TAFA2: variants seen among roughly 807,000 people sequenced by gnomAD.
The protein encoded by TAFA2 is TAFA chemokine like family member 2.
In TAFA2, 7 loss-of-function variants were observed where a neutral mutation model predicts 18.8. That is an observed-to-expected ratio of 0.37 (90% CI 0.21 to 0.70). TAFA2 has a LOEUF of 0.70. TAFA2 is among the 30% of genes least tolerant of loss of function. TAFA2 has a pLI of 0.53. For missense variants in TAFA2, 122 were observed against 158.1 expected, an observed-to-expected ratio of 0.77 and a Z score of 1.23; for synonymous variants, 60 against 54.2, an observed-to-expected ratio of 1.11 and a Z score of -0.47.
chr12:62,021,404 A>C (rs1259544431), intron 1 of TAFA2, among the ~76,000 whole-genome samples: 2 of 151,746 alleles, frequency 1.3e-5, no homozygotes, highest in East Asian at 1.9e-4. Flanking sequence ...TACTATACCC[A>C]ATTTGTAGTC....
At chr12:62,038,943 C>T (rs1881683775) in intron 1 of TAFA2, among the ~76,000 whole-genome samples, 2 of 152,156 alleles carry the variant, frequency 1.3e-5, no homozygotes, top group African/African-American at 2.4e-5. Context: ...AGCCTTCTCC[C>T]TCATACTCCC....
Position 62,023,256 on chromosome 12 carries a change from G to A in TAFA2, c.-1-155830C>T, listed in dbSNP as rs189321525. ...AGGGAAAGGGGCTTAGTGAGGGGAG[G>A]GTGAACAGCTACTGTGTGGACAAGA... On this transcript the variant is annotated intron_variant, in intron 1 of 4. Transcript: ENST00000416284. Among the ~76,000 whole-genome samples, 376 of 151,900 alleles carry A rather than the reference G, an allele frequency of 2.5e-3. 1 individual carries two copies. The highest frequency in any genetic ancestry group is 8.2e-3 in the African/African-American group (340 of 41,436).
chr12:62,064,036 T>C (rs1256602330), intron 1 of TAFA2, among the ~76,000 whole-genome samples: 2 of 152,110 alleles, frequency 1.3e-5, no homozygotes, highest in African/African-American at 4.8e-5. Context: ...TATTAATACA[T>C]TGCTTACGAG....
chr12:62,200,844 G>A (rs578172962), intron 1 of TAFA2, among the ~76,000 whole-genome samples: 10 of 151,534 alleles, frequency 6.6e-5, no homozygotes, highest in African/African-American at 9.7e-5. Context: ...TACTTTGGGC[G>A]GTATGGCCAT....
rs554162422 is a variant in TAFA2, at chr12:62,097,556, G to A, written c.-2+93703C>T. On this transcript the variant is annotated intron_variant, in intron 1 of 4. Coordinates refer to ENST00000416284, the MANE Select transcript of TAFA2 (RefSeq NM_178539.5). ...GTCATGTTAAATATTTTTAACACAA[G>A]GGTTGGCTAGTAAACAGTATTGACA... 8.5e-5 allele frequency among the ~76,000 whole-genome samples: 13 copies of A among 152,272 alleles called. No individual in the cohort carries two copies. The South Asian group carries it at 2.7e-3, about 32-fold the overall frequency.
chr12:62,171,548 G>T (rs1328615668), intron 1 of TAFA2, among the ~76,000 whole-genome samples: 1 of 152,114 alleles, frequency 6.6e-6, no homozygotes, highest in Non-Finnish European at 1.5e-5. Flanking sequence ...CAGATAATGA[G>T]GGCACATGGG....
chr12:62,059,703 C>T (rs1373459), intron 1 of TAFA2, among the ~76,000 whole-genome samples: 48,087 of 151,996 alleles, frequency 0.32, 8,533 homozygotes, highest in Middle Eastern at 0.47. Flanking sequence ...ATAAGTTTAT[C>T]TTGAATAATT....
At chr12:61,907,845 A>G (rs1876428275) in intron 1 of TAFA2, among the ~76,000 whole-genome samples, 1 of 152,168 alleles carries the variant, frequency 6.6e-6, no homozygotes, top group Non-Finnish European at 1.5e-5. Context: ...TGAGACATGG[A>G]CTCAAAGGAG....
intron 1 of TAFA2, among the ~76,000 whole-genome samples, chr12:62,181,058 G>T (rs2062548402): frequency 1.3e-5 from 2 of 152,186 alleles, no homozygotes; most frequent in East Asian, 3.8e-4. Flanking sequence ...GAGAATTTCA[G>T]TCAGCATGCT....
chr12:61,898,809 G>T (rs930194195), intron 1 of TAFA2, among the ~76,000 whole-genome samples: 5 of 152,200 alleles, frequency 3.3e-5, no homozygotes, highest in Admixed American at 6.5e-5. Context: ...GTAAATTTCT[G>T]TAGGTGGCTT....
intron 1 of TAFA2, among the ~76,000 whole-genome samples, chr12:61,871,822 G>C (rs1369133916): frequency 3.3e-5 from 5 of 152,196 alleles, no homozygotes; most frequent in Non-Finnish European, 7.3e-5. Context: ...GCCAGATGCG[G>C]TTGTTCATGC....
At chr12:62,106,429 A>C (rs969338463) in intron 1 of TAFA2, among the ~76,000 whole-genome samples, 1 of 152,216 alleles carries the variant, frequency 6.6e-6, no homozygotes, top group African/African-American at 2.4e-5. Context: ...AACACTAAGG[A>C]GAGTCCTAAA....
intron 1 of TAFA2, among the ~76,000 whole-genome samples, chr12:61,884,165 C>T (rs1336388789): frequency 6.6e-6 from 1 of 152,106 alleles, no homozygotes; most frequent in African/African-American, 2.4e-5. Context: ...TTTGGCTCCA[C>T]GCTAAAGTGT....
intron 4 of TAFA2, among the ~76,000 whole-genome samples, chr12:61,725,200 T>C (rs545102750): frequency 1.3e-5 from 2 of 152,232 alleles, no homozygotes; most frequent in South Asian, 2.1e-4. Flanking sequence ...GTTGGATGCA[T>C]AGTTTGCAAG....
rs1875091425 is a variant in TAFA2 at position 61,880,741 on chromosome 12, T to C, written c.-1-13315A>G. On this transcript the variant is annotated intron_variant, in intron 1 of 4. Transcript: ENST00000416284. ...ATCGAGACCCGCGATGGGAAGCTTG[T>C]GTCTGAGTCCTCTGACGTCCTGCCT... 8.0e-6 allele frequency: 3 copies of C among 376,940 alleles called. No individual in the cohort carries two copies. In the Admixed American group the frequency reaches 8.9e-5, roughly 11 times the overall value. 23.3% of individuals were successfully genotyped at this position (376,940 alleles called of 1,614,324 possible).
intron 1 of TAFA2, among the ~76,000 whole-genome samples, chr12:62,081,959 G>A (rs566368986): frequency 1.0e-4 from 12 of 118,158 alleles, no homozygotes; most frequent in Admixed American, 3.8e-4. Context: ...CCCCACCCCC[G>A]ACAGGCCCCA....
chr12:61,820,310 A>C (rs1872265208), intron 2 of TAFA2, among the ~76,000 whole-genome samples: 1 of 152,066 alleles, frequency 6.6e-6, no homozygotes, highest in South Asian at 2.1e-4. Flanking sequence ...ATTGTGTTCC[A>C]ACCCTAAATC....
rs937534899 is a variant in TAFA2, at chr12:62,181,997, C to CCA, written c.-2+9261_-2+9262insTG. 7.3e-5 allele frequency among the ~76,000 whole-genome samples: 11 copies of CCA among 150,220 alleles called. 1 individual carries two copies. The highest frequency in any genetic ancestry group is 6.4e-4 in the South Asian group (3 of 4,696). On this transcript the variant is annotated intron_variant, in intron 1 of 4. Transcript: ENST00000416284. ...CATCTTTTCTCAAGTCCATCCCCCC[C>CCA]CCGCTACACATAGTAGCTACTCAAG...
intron 1 of TAFA2, among the ~76,000 whole-genome samples, chr12:62,219,043 A>G (rs34542543): frequency 0.018 from 2,762 of 152,302 alleles, 38 homozygotes; most frequent in Non-Finnish European, 0.027. Context: ...AATTACTGAC[A>G]ATGAATAACA....
Sources: gnomAD v4.1 joint callset for allele counts (sites outside exome capture counted in the v4.1 genomes callset) on GRCh38, gnomAD v4.1.1 for gene constraint, MANE v1.5 for transcripts, NCBI Gene and HGNC (gene_info 2026-07-23, HGNC 2026-07-21) for gene names.